Variants in LMCD1 observed in about 807,000 individuals in gnomAD.
LMCD1 encodes LIM and cysteine rich domains 1.
LMCD1 carries 32 observed loss-of-function variants against 42.7 expected under a neutral mutation model. The ratio of observed to expected loss-of-function variants is 0.75; its 90% CI spans 0.57 to 1.01. LMCD1 has a LOEUF of 1.01. Among genes scored for constraint, LMCD1 ranks in the 50% least tolerant of loss-of-function variants. LMCD1 has a pLI of 0.00. For missense variants in LMCD1, 458 were observed against 483.1 expected, an observed-to-expected ratio of 0.95 and a Z score of 0.49; for synonymous variants, 178 against 184.9, an observed-to-expected ratio of 0.96 and a Z score of 0.30.
intron 1 of LMCD1, among the ~76,000 whole-genome samples, chr3:8,506,383 G>GA (rs1442648934): frequency 6.6e-6 from 1 of 152,140 alleles, no homozygotes; most frequent in African/African-American, 2.4e-5. Flanking sequence ...AGGTGACAAG[G>GA]ATGAAAAAAG....
chr3:8,532,640 C>T lies in LMCD1; in HGVS notation c.43-97C>T, dbSNP rs932595716. On this transcript the variant is annotated intron_variant, in intron 1 of 5. Coordinates refer to ENST00000157600, the MANE Select transcript of LMCD1 (RefSeq NM_014583.4). ...GATCTCAAGCCCTTTGAACCCCACACAGTCCCTTTGCCAGCACGCCAAGTC... is the reference window on the plus strand; with the variant it reads ...GATCTCAAGCCCTTTGAACCCCACATAGTCCCTTTGCCAGCACGCCAAGTC... The T allele has an allele frequency of 4.0e-5, 39 of 983,080 alleles. No homozygotes were observed. In the Admixed American group the frequency reaches 6.4e-4, roughly 16 times the overall value. The allele number at this position is 983,080 out of a possible 1,614,324, so 60.9% of individuals were successfully genotyped here. A position where few individuals can be genotyped will look rare whatever the true frequency, so the allele number is the denominator to read the frequency against.
At position 8,569,084 on chromosome 3, in the gene LMCD1, C is replaced by G. The variant is rs1369704489; in HGVS notation, c.*1486C>G. 1 of 152,200 alleles carries G rather than the reference C, an allele frequency of 6.6e-6. No homozygotes were observed. Among genetic ancestry groups the G allele is most frequent in the Non-Finnish European group, 1.5e-5 (1 of 68,042 alleles). 9.4% of individuals were successfully genotyped at this position (152,200 alleles called of 1,614,324 possible). ...AGATAAGTTTCAAGTGTGTCATTTC[C>G]TTCACTCAATCTCCATGGCTCTTCA... On this transcript the variant is annotated 3_prime_UTR_variant, in exon 6 of 6. Coordinates refer to ENST00000157600, the MANE Select transcript of LMCD1 (RefSeq NM_014583.4).
intron 1 of LMCD1, among the ~76,000 whole-genome samples, chr3:8,502,544 C>G (rs1693780763): frequency 7.0e-6 from 1 of 141,960 alleles, no homozygotes; most frequent in African/African-American, 2.7e-5. Flanking sequence ...TGCTATTATC[C>G]CAGTGTTTTG....
intron 1 of LMCD1, among the ~76,000 whole-genome samples, chr3:8,511,831 T>G (rs1476852883): frequency 6.6e-6 from 1 of 152,212 alleles, no homozygotes; most frequent in African/African-American, 2.4e-5. Flanking sequence ...TAGCAAGGCC[T>G]GTCAGGCTGC....
chr3:8,539,826 T>TTAC (rs1460551588), intron 3 of LMCD1, among the ~76,000 whole-genome samples: 1 of 148,294 alleles, frequency 6.7e-6, no homozygotes, highest in Non-Finnish European at 1.5e-5. Context: ...ATTATTATTA[T>TTAC]TATTATTATT....
chr3:8,514,151 A>G (rs989303496), intron 1 of LMCD1, among the ~76,000 whole-genome samples: 4 of 152,366 alleles, frequency 2.6e-5, no homozygotes, highest in African/African-American at 9.6e-5. Flanking sequence ...TGTATTCAGA[A>G]TATATAAATA....
At chr3:8,525,540 A>C (rs1694283234) in intron 1 of LMCD1, among the ~76,000 whole-genome samples, 1 of 152,128 alleles carries the variant, frequency 6.6e-6, no homozygotes. Context: ...GAAGGCAGTT[A>C]TCTCTTTGAG....
chr3:8,532,336 C>T (rs949836313), intron 1 of LMCD1, among the ~76,000 whole-genome samples: 1 of 152,164 alleles, frequency 6.6e-6, no homozygotes, highest in African/African-American at 2.4e-5. Flanking sequence ...CAATAAATCA[C>T]AAATAAATGA....
intron 1 of LMCD1, among the ~76,000 whole-genome samples, chr3:8,516,412 G>T (rs533748009): frequency 3.3e-5 from 5 of 152,218 alleles, no homozygotes; most frequent in African/African-American, 1.2e-4. Flanking sequence ...AGGGCCAGTG[G>T]AAAAGTTCCA....
intron 1 of LMCD1, among the ~76,000 whole-genome samples, chr3:8,524,614 C>T (rs1158968563): frequency 1.3e-5 from 2 of 152,028 alleles, no homozygotes; most frequent in Admixed American, 6.6e-5. Context: ...TTTTTTCAGC[C>T]TTATTGAGGT....
chr3:8,555,626 T>A (rs1195968402), intron 4 of LMCD1, among the ~76,000 whole-genome samples: 1 of 142,138 alleles, frequency 7.0e-6, no homozygotes, highest in Admixed American at 6.7e-5. Context: ...AGGGAGATCT[T>A]TTTTTTTGTT....
intron 4 of LMCD1, among the ~76,000 whole-genome samples, chr3:8,553,147 C>T (rs1694870128): frequency 6.6e-6 from 1 of 152,142 alleles, no homozygotes; most frequent in African/African-American, 2.4e-5. Context: ...GGCCCCCATC[C>T]CTGATGACAC....
At chr3:8,536,078 T>G (rs1694502389) in intron 2 of LMCD1, among the ~76,000 whole-genome samples, 1 of 152,188 alleles carries the variant, frequency 6.6e-6, no homozygotes, top group African/African-American at 2.4e-5. Flanking sequence ...TTTGTGATAT[T>G]CGATCAGACG....
intron 4 of LMCD1, 28 bp downstream of exon 4, chr3:8,548,931 G>A: frequency 6.8e-7 from 1 of 1,467,366 alleles, no homozygotes; most frequent in Non-Finnish European, 9.1e-7. Flanking sequence ...TTCCAGCCAG[G>A]CTGAAACCAT....
Position 8,501,875 on chromosome 3 carries a change from C to T in LMCD1, c.-64C>T, listed in dbSNP as rs548703215. The T allele has an allele frequency of 3.9e-5, 58 of 1,497,216 alleles. No individual in the cohort carries two copies. In the Admixed American group the frequency reaches 9.9e-4, roughly 26 times the overall value. The allele number at this position is 1,497,216 out of a possible 1,614,324, so 92.7% of individuals were successfully genotyped here. ...ACTTGGCCATTCAGCCGCCGCTGTC[C>T]CCGCTGCGCGCCCTCGCGCCTCTGC... On this transcript the variant is annotated 5_prime_UTR_variant, in exon 1 of 6. Transcript: ENST00000157600.
chr3:8,537,450 C>A lies in LMCD1; in HGVS notation c.387+10C>A. The A allele has an allele frequency of 6.5e-7, 1 of 1,548,670 alleles. No homozygotes were observed. Among genetic ancestry groups the A allele is most frequent in the Admixed American group, 2.0e-5 (1 of 50,964 alleles). ...AGTCACCCAGAAACTGGTAAGAGAG[C>A]TTCCCCAACCAAGCAGTTGTTTTCC... On this transcript the variant is annotated intron_variant, in intron 3 of 5. Transcript: ENST00000157600.
intron 4 of LMCD1, among the ~76,000 whole-genome samples, chr3:8,560,138 G>A (rs1220094790): frequency 6.6e-6 from 1 of 152,174 alleles, no homozygotes. Flanking sequence ...AGTGGCTCAT[G>A]CCTATAATCC....
Position 8,574,170 on chromosome 3 carries a change from C to T in LMCD1, c.*6572C>T, listed in dbSNP as rs879571608. On this transcript the variant is annotated 3_prime_UTR_variant, in exon 6 of 6. Transcript: ENST00000157600. ...GTGAGCCCATGAAAAAGGAGCTTCT[C>T]TTTCTGGAGCTTCCCAGGGGTAACT... 3 of 152,312 alleles carry T rather than the reference C, an allele frequency of 2.0e-5. No homozygotes were observed. The highest frequency in any genetic ancestry group is 7.2e-5 in the African/African-American group (3 of 41,452). 9.4% of individuals were successfully genotyped at this position (152,312 alleles called of 1,614,324 possible). A position where few individuals can be genotyped will look rare whatever the true frequency, so the allele number is the denominator to read the frequency against.
At chr3:8,551,841 G>C (rs1694845464) in intron 4 of LMCD1, among the ~76,000 whole-genome samples, 2 of 152,186 alleles carry the variant, frequency 1.3e-5, no homozygotes, top group African/African-American at 4.8e-5. Context: ...TCTCATAAAA[G>C]GGCAGCATAG....
Sources: allele counts gnomAD v4.1 joint callset (sites outside exome capture counted in the v4.1 genomes callset), GRCh38; gene constraint gnomAD v4.1.1; transcripts MANE v1.5; gene names NCBI Gene and HGNC (gene_info 2026-07-23, HGNC 2026-07-21).